Variants in PPA2 observed in about 807,000 individuals in gnomAD.
PPA2 encodes inorganic pyrophosphatase 2.
A neutral mutation model predicts 49.5 loss-of-function variants in PPA2; 48 were observed. The ratio of observed to expected loss-of-function variants is 0.97; its 90% confidence interval spans 0.77 to 1.23. The LOEUF is 1.23. Ranked by LOEUF, PPA2 falls within the 50% of genes most tolerant of loss-of-function variation. PPA2 has a pLI of 0.00. For synonymous variants in PPA2, 131 were observed against 139.9 expected, an observed-to-expected ratio of 0.94 and a Z score of 0.45; for missense variants, 429 against 410.1, an observed-to-expected ratio of 1.05 and a Z score of -0.40.
At chr4:105,413,535 T>C (rs1009256502) in intron 7 of PPA2, among the ~76,000 whole-genome samples, 2 of 152,154 alleles carry the variant, frequency 1.3e-5, no homozygotes, top group Non-Finnish European at 2.9e-5. Context: ...GGTGGAAGAT[T>C]AGTCTCATAT....
At chr4:105,405,045 T>G in intron 7 of PPA2, 2 of 264,412 alleles carry the variant, frequency 7.6e-6, no homozygotes, top group Non-Finnish European at 1.2e-5. Flanking sequence ...ATCCTGCCAC[T>G]GCACTCCAGC....
chr4:105,398,449 T>C (rs1174247584), intron 8 of PPA2: 2 of 152,176 alleles, frequency 1.3e-5, no homozygotes, highest in East Asian at 1.9e-4. Flanking sequence ...CACTTAAAAG[T>C]TGGTTTCAAA....
chr4:105,387,539 A>G (rs1733732326), intron 9 of PPA2, among the ~76,000 whole-genome samples: 1 of 152,178 alleles, frequency 6.6e-6, no homozygotes, highest in Non-Finnish European at 1.5e-5. Context: ...ACATCTGTCT[A>G]TATCTGTTTG....
rs187457942 is a variant in PPA2 at position 105,454,624 on chromosome 4, G to A, written c.223-982C>T. On this transcript the variant is annotated intron_variant, in intron 2 of 11. Coordinates refer to ENST00000341695, the MANE Select transcript of PPA2 (RefSeq NM_176869.3). ...GCTGGGATTACAGGCAAGAGCCACC[G>A]CACCCAGCCATTATTTTTATTCTTA... is the stretch of plus-strand genomic sequence containing the variant. 6.6e-5 allele frequency among the ~76,000 whole-genome samples: 10 copies of A among 152,146 alleles called. No homozygotes were observed. In the East Asian group the frequency reaches 1.4e-3, roughly 21 times the overall value.
intron 10 of PPA2, among the ~76,000 whole-genome samples, chr4:105,371,091 TA>T (rs1372049839): frequency 6.6e-6 from 1 of 152,164 alleles, no homozygotes; most frequent in Admixed American, 6.5e-5. Context: ...TACTTGAAAA[TA>T]TTTTTTATCT....
chr4:105,388,879 G>T (rs1733790869), intron 9 of PPA2, among the ~76,000 whole-genome samples: 1 of 149,240 alleles, frequency 6.7e-6, no homozygotes, highest in South Asian at 2.1e-4. Flanking sequence ...AAAATGAAAT[G>T]GCAAGCACAT....
intron 4 of PPA2, among the ~76,000 whole-genome samples, chr4:105,448,999 A>G (rs1451248785): frequency 2.0e-5 from 3 of 146,704 alleles, no homozygotes; most frequent in Non-Finnish European, 4.4e-5. Context: ...CGGGCGGATC[A>G]CGAGGTCAGG....
Position 105,412,455 on chromosome 4 carries a change from G to A in PPA2, c.655+11741C>T, listed in dbSNP as rs982195337. Reference sequence around the variant, plus strand: ...AGACTTCATGACTAAAACACCAAAAGCAATGGCAATAGAAGCCAAAATTGA... The same window carrying A: ...AGACTTCATGACTAAAACACCAAAAACAATGGCAATAGAAGCCAAAATTGA... On this transcript the variant is annotated intron_variant, in intron 7 of 11. Transcript: ENST00000341695. Among the ~76,000 whole-genome samples the A allele has an allele frequency of 5.3e-5, 8 of 152,260 alleles. No individual in the cohort carries two copies. In the South Asian group the frequency reaches 1.0e-3, roughly 20 times the overall value.
In PPA2 at chr4:105,395,672, T is replaced by G. The variant is rs184637371; in HGVS notation, c.869+577A>C. On this transcript the variant is annotated intron_variant, in intron 9 of 11. Transcript: ENST00000341695. ...TTAAATGATTTTTTTAAAAGAACCCTAAAAATCTGTCAGGAATTTTAAGTT... is the reference window on the plus strand; with the variant it reads ...TTAAATGATTTTTTTAAAAGAACCCGAAAAATCTGTCAGGAATTTTAAGTT... Among the ~76,000 whole-genome samples, 153 of 152,138 alleles carry G rather than the reference T, an allele frequency of 1.0e-3. 1 individual carries two copies. Among genetic ancestry groups the G allele is most frequent in the African/African-American group, 3.4e-3 (142 of 41,536 alleles).
intron 7 of PPA2, among the ~76,000 whole-genome samples, chr4:105,401,832 T>G (rs1722205179): frequency 6.6e-6 from 1 of 152,202 alleles, no homozygotes; most frequent in Admixed American, 6.5e-5. Context: ...TGTAGAACAT[T>G]CTGATTAATG....
At chr4:105,436,900 T>C (rs1578860221) in intron 6 of PPA2, among the ~76,000 whole-genome samples, 2 of 152,122 alleles carry the variant, frequency 1.3e-5, no homozygotes, top group Non-Finnish European at 2.9e-5. Context: ...ACTCTCTGGA[T>C]ATCGCCTAGG....
intron 5 of PPA2, among the ~76,000 whole-genome samples, chr4:105,438,659 T>C (rs1221991098): frequency 1.3e-5 from 2 of 152,164 alleles, no homozygotes; most frequent in Non-Finnish European, 2.9e-5. Flanking sequence ...AATATACACA[T>C]AGGAATTTTT....
chr4:105,465,057 T>A (rs763753655), intron 1 of PPA2, among the ~76,000 whole-genome samples: 3 of 152,194 alleles, frequency 2.0e-5, no homozygotes, highest in Non-Finnish European at 4.4e-5. Flanking sequence ...TTCTCTTAGA[T>A]AAGAAAAACC....
At chr4:105,451,921 T>A (rs1242199340) in intron 3 of PPA2, among the ~76,000 whole-genome samples, 13 of 152,190 alleles carry the variant, frequency 8.5e-5, no homozygotes. Context: ...AAGATTAATG[T>A]TAATTATAAA....
At chr4:105,451,620 T>A (rs1722681906) in intron 3 of PPA2, among the ~76,000 whole-genome samples, 1 of 152,220 alleles carries the variant, frequency 6.6e-6, no homozygotes, top group Non-Finnish European at 1.5e-5. Context: ...CCTGAAAGCC[T>A]GGCTATACGG....
intron 5 of PPA2, among the ~76,000 whole-genome samples, chr4:105,441,004 C>T (rs1724335747): frequency 6.6e-6 from 1 of 152,160 alleles, no homozygotes; most frequent in Non-Finnish European, 1.5e-5. Flanking sequence ...AAAAGACACA[C>T]TAACTCACCT....
intron 10 of PPA2, among the ~76,000 whole-genome samples, chr4:105,378,192 G>A (rs1405991007): frequency 1.3e-5 from 2 of 152,074 alleles, no homozygotes; most frequent in African/African-American, 4.8e-5. Flanking sequence ...GTTCCTCCAC[G>A]TCCTTGTTAA....
chr4:105,470,914 G>A (rs914040789), intron 1 of PPA2, among the ~76,000 whole-genome samples: 1 of 152,204 alleles, frequency 6.6e-6, no homozygotes, highest in African/African-American at 2.4e-5. Flanking sequence ...GTTTAGAACT[G>A]TTACAGCACA....
chr4:105,429,716 A>C (rs971448520), intron 6 of PPA2, among the ~76,000 whole-genome samples: 1 of 152,228 alleles, frequency 6.6e-6, no homozygotes, highest in African/African-American at 2.4e-5. Context: ...GTACCATTAC[A>C]TAATATAAAC....
Sources: allele counts gnomAD v4.1 joint callset (sites outside exome capture counted in the v4.1 genomes callset), GRCh38; gene constraint gnomAD v4.1.1; transcripts MANE v1.5; gene names NCBI Gene and HGNC (gene_info 2026-07-23, HGNC 2026-07-21).